LRRC37A2: variants seen among roughly 807,000 people sequenced by gnomAD.
LRRC37A2 encodes leucine-rich repeat-containing protein 37A2.
LRRC37A2 carries 9 observed loss-of-function variants against 68.8 expected under a neutral mutation model. The ratio of observed to expected loss-of-function variants is 0.13; its 90% confidence interval spans 0.08 to 0.23. LRRC37A2 has a LOEUF of 0.23. LRRC37A2 is among the 10% of genes least tolerant of loss of function. The pLI is 1.00. For synonymous variants in LRRC37A2, 63 were observed against 367.6 expected, an observed-to-expected ratio of 0.17 and a Z score of 9.48; for missense variants, 168 against 950.4, an observed-to-expected ratio of 0.18 and a Z score of 10.82.
the LRRC37A2 span, among the ~76,000 whole-genome samples, chr17:46,726,028 T>G: frequency 6.6e-6 from 1 of 152,212 alleles, no homozygotes; most frequent in Admixed American, 6.5e-5. Context: ...TTTGTCTGGT[T>G]TTATACGTAC....
the LRRC37A2 span, among the ~76,000 whole-genome samples, chr17:46,389,130 G>A: frequency 1.4e-5 from 2 of 143,192 alleles, no homozygotes; most frequent in Non-Finnish European, 3.1e-5. Context: ...AGGAGGCGGA[G>A]ATTGCCGTAA....
the LRRC37A2 span, among the ~76,000 whole-genome samples, chr17:46,853,574 G>A: frequency 1.3e-5 from 2 of 152,022 alleles, no homozygotes; most frequent in Middle Eastern, 3.4e-3. Context: ...GTTTCACCAT[G>A]TTGGCCAGGC....
the LRRC37A2 span, chr17:46,930,569 T>C: frequency 2.6e-5 from 4 of 154,858 alleles, no homozygotes; most frequent in Admixed American, 6.4e-5. Context: ...CCACCCATTC[T>C]TACAGAAAGC....
At chr17:46,765,017 C>T in the LRRC37A2 span, among the ~76,000 whole-genome samples, 7 of 152,212 alleles carry the variant, frequency 4.6e-5, no homozygotes, top group South Asian at 4.1e-4. Flanking sequence ...GTTTTTGTAC[C>T]GCACCAAATA....
the LRRC37A2 span, among the ~76,000 whole-genome samples, chr17:46,989,553 G>C: frequency 6.6e-6 from 1 of 152,206 alleles, no homozygotes; most frequent in Non-Finnish European, 1.5e-5. Flanking sequence ...ATTAGCTCAG[G>C]GACAGGGATG....
chr17:47,019,272 G>C, the LRRC37A2 span: 1 of 1,586,524 alleles, frequency 6.3e-7, no homozygotes, highest in Non-Finnish European at 8.6e-7. Flanking sequence ...TCCTCCTCCA[G>C]GACACCCTGA....
At chr17:46,818,292 C>T in the LRRC37A2 span, among the ~76,000 whole-genome samples, 1 of 151,508 alleles carries the variant, frequency 6.6e-6, no homozygotes, top group Non-Finnish European at 1.5e-5. Context: ...AGTCCTCCAG[C>T]CCCTGCAGCG....
At chr17:46,795,426 C>G in the LRRC37A2 span, among the ~76,000 whole-genome samples, 1 of 152,112 alleles carries the variant, frequency 6.6e-6, no homozygotes, top group African/African-American at 2.4e-5. Flanking sequence ...CCTCTGGGGT[C>G]TGAGAAGACC....
chr17:46,967,258 C>A, the LRRC37A2 span, among the ~76,000 whole-genome samples: 8 of 152,222 alleles, frequency 5.3e-5, no homozygotes, highest in Non-Finnish European at 1.2e-4. Context: ...CCCAGCTCTG[C>A]CACTTATTGG....
the LRRC37A2 span, among the ~76,000 whole-genome samples, chr17:46,877,956 C>G: frequency 6.6e-6 from 1 of 152,174 alleles, no homozygotes; most frequent in South Asian, 2.1e-4. Flanking sequence ...TGATAATTTC[C>G]TCAGATCCTG....
At chr17:46,806,501 G>T in the LRRC37A2 span, among the ~76,000 whole-genome samples, 1 of 152,178 alleles carries the variant, frequency 6.6e-6, no homozygotes, top group Non-Finnish European at 1.5e-5. Context: ...GAGCCACCGC[G>T]CCCAGCTGAG....
chr17:46,820,202 G>A, the LRRC37A2 span, among the ~76,000 whole-genome samples: 3 of 152,214 alleles, frequency 2.0e-5, no homozygotes, highest in East Asian at 1.9e-4. Context: ...CTCCGCACGC[G>A]GCTGCTGCCG....
At chr17:46,774,007 A>C in the LRRC37A2 span, 1 of 1,508,568 alleles carries the variant, frequency 6.6e-7, no homozygotes, top group Non-Finnish European at 8.9e-7. Context: ...GTAGGTGGAG[A>C]GGCAGAGGGC....
At chr17:46,840,058 C>G in the LRRC37A2 span, among the ~76,000 whole-genome samples, 1 of 142,844 alleles carries the variant, frequency 7.0e-6, no homozygotes, top group Admixed American at 7.3e-5. Flanking sequence ...CTCTCTCTCT[C>G]TTTCCTTTCT....
chr17:46,982,196 C>T, the LRRC37A2 span, among the ~76,000 whole-genome samples: 6 of 152,274 alleles, frequency 3.9e-5, no homozygotes, highest in African/African-American at 1.2e-4. Flanking sequence ...GTGTCTGGCC[C>T]GAACATTCTG....
the LRRC37A2 span, among the ~76,000 whole-genome samples, chr17:46,703,698 A>AAC: frequency 6.7e-6 from 1 of 149,718 alleles, no homozygotes; most frequent in African/African-American, 2.5e-5. Flanking sequence ...AAAAAAAAAA[A>AAC]AAAAAACAAA....
the LRRC37A2 span, among the ~76,000 whole-genome samples, chr17:46,982,375 G>A: frequency 9.9e-5 from 15 of 152,208 alleles, no homozygotes; most frequent in African/African-American, 3.6e-4. Flanking sequence ...GGTGAGTGAG[G>A]ATGCAGAATG....
At chr17:46,878,229 A>G in the LRRC37A2 span, among the ~76,000 whole-genome samples, 6 of 152,352 alleles carry the variant, frequency 3.9e-5, no homozygotes, top group Admixed American at 3.9e-4. Flanking sequence ...TGCCACGCCC[A>G]TCTGTCAGCT....
the LRRC37A2 span, among the ~76,000 whole-genome samples, chr17:46,501,650 C>A: frequency 6.6e-6 from 1 of 151,194 alleles, no homozygotes; most frequent in Non-Finnish European, 1.5e-5. Context: ...TTGTAGAAAT[C>A]CTATTCCATG....
Sources: gnomAD v4.1 joint callset for allele counts (sites outside exome capture counted in the v4.1 genomes callset) on GRCh38, gnomAD v4.1.1 for gene constraint, MANE v1.5 for transcripts, NCBI Gene and HGNC (gene_info 2026-07-23, HGNC 2026-07-21) for gene names.